Variants in ECI2 observed in about 807,000 individuals in gnomAD.
ECI2 encodes the protein D3,D2-enoyl-CoA isomerase.
Under a neutral mutation model 38.4 loss-of-function variants are expected in ECI2, and 27 were observed. The observed-to-expected ratio is 0.70, with a 90% CI of 0.52 to 0.97. The LOEUF is 0.97. Among genes scored for constraint, ECI2 ranks in the 50% least tolerant of loss-of-function variants. The probability of loss-of-function intolerance (pLI) is 0.00; values close to 1 mark genes in which losing one functional copy is unlikely to be tolerated. For synonymous variants in ECI2, 168 were observed against 172.0 expected (o/e 0.98, Z 0.18); for missense variants, 470 against 474.4 (o/e 0.99, Z 0.09).
At chr6:4,127,367 A>T (rs1773231204) in intron 5 of ECI2, among the ~76,000 whole-genome samples, 1 of 150,040 alleles carries the variant, frequency 6.7e-6, no homozygotes. Flanking sequence ...TATATTTATA[A>T]ATCAGAGTAT....
chr6:4,125,301 G>A lies in ECI2; in HGVS notation c.744C>T (p.Gly248=), dbSNP rs1298135136. The change falls in exon 7 of 10, where the codon GGC becomes GGT. Residue 248 remains glycine, a synonymous_variant. Coordinates refer to ENST00000380118, the MANE Select transcript of ECI2 (RefSeq NM_206836.3). ...LIAVVNGPAV[G]ISVTLLGLFD... is the part of the protein sequence containing the mutation. ...ATAGCCCAAGGAGGGTGACGGAGAT[G>A]CCCACAGCTGGACCATTGACCACTG... is the stretch of plus-strand genomic sequence containing the variant. The A allele has an allele frequency of 6.2e-7, 1 of 1,614,140 alleles. No homozygotes were observed. The highest frequency in any genetic ancestry group is 8.5e-7 in the Non-Finnish European group (1 of 1,180,028).
intron 1 of ECI2, chr6:4,133,928 G>A: frequency 2.2e-6 from 1 of 452,962 alleles, no homozygotes; most frequent in South Asian, 6.0e-5. Flanking sequence ...TTAAATAAAA[G>A]GAAAAGTAAC....
chr6:4,115,741 G>C lies in ECI2; in HGVS notation c.*133C>G. 1.5e-6 allele frequency: 2 copies of C among 1,343,216 alleles called. No individual in the cohort carries two copies. The highest frequency in any genetic ancestry group is 2.1e-6 in the Non-Finnish European group (2 of 974,398). 83.2% of individuals were successfully genotyped at this position (1,343,216 alleles called of 1,614,324 possible). A position where few individuals can be genotyped will look rare whatever the true frequency, so the allele number is the denominator to read the frequency against. ...AAACTTTTTATTCATCAGAGCTGTA[G>C]TGAAATATCATCATTGTAATTGATA... On this transcript the variant is annotated 3_prime_UTR_variant, in exon 10 of 10. Transcript: ENST00000380118.
At chr6:4,135,230 A>C in intron 1 of ECI2, 3 of 920,830 alleles carry the variant, frequency 3.3e-6, no homozygotes, top group Non-Finnish European at 5.0e-6. Flanking sequence ...GGAGGATGGG[A>C]GCGTGCGCGG....
intron 1 of ECI2, 187 bp from the exon 2 acceptor site, chr6:4,133,898 A>G: frequency 3.6e-6 from 2 of 553,558 alleles, no homozygotes; most frequent in South Asian, 8.1e-5. Context: ...AAGTCAATAC[A>G]GAAGCTAACA....
intron 7 of ECI2, chr6:4,124,853 C>T: frequency 3.2e-6 from 1 of 314,180 alleles, no homozygotes; most frequent in South Asian, 2.7e-5. Flanking sequence ...CTCACAGGTC[C>T]TTCTCCTTCT....
chr6:4,125,287 A>C lies in ECI2; in HGVS notation c.758T>G (p.Leu253Arg), dbSNP rs779511364. Residue 253 changes from leucine to arginine, a missense_variant, in exon 7 of 10, where the codon CTC becomes CGC. Coordinates refer to ENST00000380118, the MANE Select transcript of ECI2 (RefSeq NM_206836.3). ...NGPAVGISVT[L>R]LGLFDAVYAS... ...ATACACGGCATCGAATAGCCCAAGG[A>C]GGGTGACGGAGATGCCCACAGCTGG... 13 of 1,614,042 alleles carry C rather than the reference A, an allele frequency of 8.1e-6. No individual in the cohort carries two copies. Among genetic ancestry groups the C allele is most frequent in the Non-Finnish European group, 1.0e-5 (12 of 1,180,048 alleles).
intron 4 of ECI2, chr6:4,130,139 T>G (rs1233967871): frequency 6.2e-7 from 1 of 1,613,624 alleles, no homozygotes; most frequent in Admixed American, 1.7e-5. Context: ...CTTCCATTAT[T>G]AGGAAAATCA....
At chr6:4,116,593 C>G (rs1173631454) in intron 9 of ECI2, among the ~76,000 whole-genome samples, 1 of 151,790 alleles carries the variant, frequency 6.6e-6, no homozygotes, top group Non-Finnish European at 1.5e-5. Flanking sequence ...AGGCGCCCAC[C>G]ACCACGCCTG....
intron 7 of ECI2, chr6:4,122,094 G>A (rs766400934): frequency 1.7e-6 from 2 of 1,189,360 alleles, no homozygotes; most frequent in Admixed American, 4.1e-5. Flanking sequence ...CTGATTTTCA[G>A]AAAGAGAGCA....
At chr6:4,125,532 C>G in intron 6 of ECI2, 162 bp from the exon 7 acceptor site, 1 of 994,786 alleles carries the variant, frequency 1.0e-6, no homozygotes, top group Middle Eastern at 2.2e-4. Context: ...TGGTCTTCCG[C>G]ACCAGATTCA....
At chr6:4,128,581 C>T (rs935252989) in intron 4 of ECI2, among the ~76,000 whole-genome samples, 6 of 152,174 alleles carry the variant, frequency 3.9e-5, no homozygotes, top group African/African-American at 9.7e-5. Flanking sequence ...GCCTGCCCTC[C>T]GTATCCACGG....
chr6:4,120,129 A>G (rs1037743742), intron 7 of ECI2, among the ~76,000 whole-genome samples: 6 of 152,234 alleles, frequency 3.9e-5, no homozygotes, highest in African/African-American at 1.4e-4. Flanking sequence ...TGCCACTAGC[A>G]ACGTATGAAA....
intron 9 of ECI2, among the ~76,000 whole-genome samples, chr6:4,116,590 C>T (rs559143131): frequency 6.7e-4 from 101 of 151,794 alleles, no homozygotes; most frequent in African/African-American, 2.2e-3. Flanking sequence ...TACAGGCGCC[C>T]ACCACCACGC....
chr6:4,135,192 C>T, intron 1 of ECI2: 1 of 682,656 alleles, frequency 1.5e-6, no homozygotes, highest in Non-Finnish European at 2.5e-6. Flanking sequence ...TCAGCTGGGG[C>T]GGCTCACCCG....
chr6:4,125,238 G>C lies in ECI2; in HGVS notation c.795+12C>G, dbSNP rs985158395. The stretch of plus-strand genomic sequence containing the variant: ...GCTTGCCTGACCTCTTGCTTTCTAG[G>C]AGCTGACTTACCCTGTCAGATGCAT... On this transcript the variant is annotated intron_variant, in intron 7 of 9. Coordinates refer to ENST00000380118, the MANE Select transcript of ECI2 (RefSeq NM_206836.3). The C allele has an allele frequency of 1.2e-6, 2 of 1,613,360 alleles. No individual in the cohort carries two copies. The highest frequency in any genetic ancestry group is 1.7e-6 in the Non-Finnish European group (2 of 1,179,744).
chr6:4,117,231 T>C, intron 9 of ECI2, 77 bp downstream of exon 9: 11 of 1,513,318 alleles, frequency 7.3e-6, no homozygotes, highest in Non-Finnish European at 9.7e-6. Context: ...TTTTATGACT[T>C]ATTCTCTGAA....
chr6:4,116,644 A>G lies in ECI2; in HGVS notation c.1030-615T>C, dbSNP rs1041244000. ...TTTTAAATAGAGATGTGGTTTTGCC[A>G]TGTTGGCCAGGCTGTTCTTGAACTC... is the stretch of plus-strand genomic sequence containing the variant. On this transcript the variant is annotated intron_variant, in intron 9 of 9. Transcript: ENST00000380118. 2.0e-5 allele frequency among the ~76,000 whole-genome samples: 3 copies of G among 152,104 alleles called. No homozygotes were observed. The East Asian group carries it at 5.9e-4, about 30-fold the overall frequency.
intron 2 of ECI2, chr6:4,131,083 A>G (rs1773484571): frequency 2.2e-6 from 1 of 463,090 alleles, no homozygotes; most frequent in Non-Finnish European, 3.8e-6. Context: ...CTGCCTGTCT[A>G]TGAAAATAAT....
Sources: allele counts gnomAD v4.1 joint callset (sites outside exome capture counted in the v4.1 genomes callset), GRCh38; gene constraint gnomAD v4.1.1; transcripts MANE v1.5; gene names NCBI Gene and HGNC (gene_info 2026-07-23, HGNC 2026-07-21).